The following KAT6A variants were observed in gnomAD, a reference collection of about 807,000 sequenced individuals.
The protein encoded by KAT6A is lysine acetyltransferase 6A.
A neutral mutation model predicts 198.4 loss-of-function variants in KAT6A; 9 were observed. That is an observed-to-expected ratio of 0.05 (90% CI 0.03 to 0.08). The LOEUF (loss-of-function observed/expected upper bound fraction) is 0.08, where lower values mean the gene tolerates loss of function less well. KAT6A is among the 10% of genes least tolerant of loss of function. The probability of loss-of-function intolerance (pLI) is 1.00; values close to 1 mark genes in which losing one functional copy is unlikely to be tolerated. For synonymous variants in KAT6A, 890 were observed against 883.0 expected (o/e 1.01, Z -0.14); for missense variants, 2,077 against 2,509.9 (o/e 0.83, Z 3.69).
Position 41,943,942 on chromosome 8 carries a change from A to G in KAT6A, c.2034T>C (p.Ser678=), listed in dbSNP as rs758725992. Residue 678 remains serine (S), a synonymous_variant, in exon 13 of 17, where the codon TCT becomes TCC. Coordinates refer to ENST00000265713, the MANE Select transcript of KAT6A (RefSeq NM_006766.5). ...LLSKREGQAG[S]PEKPLSDLGR... ...CCAGATCAGATAACGGTTTCTCTGG[A>G]GACCCTGCTTGGCCTTCACGCTTTG... is the stretch of plus-strand genomic sequence containing the variant. 6.2e-7 allele frequency: 1 copy of G among 1,614,058 alleles called. No individual in the cohort carries two copies. Among genetic ancestry groups the G allele is most frequent in the Non-Finnish European group, 8.5e-7 (1 of 1,179,994 alleles).
chr8:42,039,878 C>T (rs368393771), intron 2 of KAT6A, among the ~76,000 whole-genome samples: 6 of 150,614 alleles, frequency 4.0e-5, no homozygotes, highest in Non-Finnish European at 5.9e-5. Context: ...GGACTACAGG[C>T]GCCCACCACA....
intron 2 of KAT6A, among the ~76,000 whole-genome samples, chr8:42,020,920 C>T (rs1400503236): frequency 6.6e-6 from 1 of 152,084 alleles, no homozygotes; most frequent in African/African-American, 2.4e-5. Context: ...TGATCCTTAC[C>T]CTAATCTTGA....
Position 41,955,160 on chromosome 8 carries a change from C to CTA in KAT6A, c.1598+134_1598+135dup, listed in dbSNP as rs1822863585. On this transcript the variant is annotated intron_variant, in intron 9 of 16. Transcript: ENST00000265713. ...GATGAAGTGGCTGCCAAAGCCGCTG[C>CTA]TATTATGGACATTTAAAAGCCCCCA... 9.9e-6 allele frequency: 6 copies of CTA among 603,920 alleles called. No individual in the cohort carries two copies. The East Asian group carries it at 1.9e-4, about 19-fold the overall frequency. 37.4% of individuals were successfully genotyped at this position (603,920 alleles called of 1,614,324 possible).
At chr8:41,946,529 C>CATAT in intron 12 of KAT6A, 62 bp downstream of exon 12, 1 of 681,866 alleles carries the variant, frequency 1.5e-6, no homozygotes, top group Admixed American at 2.2e-5. Flanking sequence ...CACACACACA[C>CATAT]ACACACACAC....
chr8:41,998,089 C>T (rs1016061849), intron 2 of KAT6A, among the ~76,000 whole-genome samples: 3 of 152,072 alleles, frequency 2.0e-5, no homozygotes, highest in African/African-American at 7.2e-5. Flanking sequence ...AATGTTACTC[C>T]TTGGTGGGCA....
chr8:42,040,584 A>T (rs1827607297), intron 2 of KAT6A, among the ~76,000 whole-genome samples: 1 of 151,382 alleles, frequency 6.6e-6, no homozygotes, highest in Non-Finnish European at 1.5e-5. Flanking sequence ...AAATACAAAA[A>T]ATTAGCCAGG....
rs13278050 is a variant in KAT6A at position 42,008,354 on chromosome 8, T to C, written c.601-20791A>G. 3.0e-3 allele frequency among the ~76,000 whole-genome samples: 458 copies of C among 152,274 alleles called. 2 individuals are homozygous for C. The highest frequency in any genetic ancestry group is 5.1e-3 in the Non-Finnish European group (349 of 68,034). Reference sequence around the variant, plus strand: ...TATCCTTAAGTAATATTTTCTTTTTTTGAGACAGGGTCTCACTCTGTCGCC... The same window carrying C: ...TATCCTTAAGTAATATTTTCTTTTTCTGAGACAGGGTCTCACTCTGTCGCC... On this transcript the variant is annotated intron_variant, in intron 2 of 16. Coordinates refer to ENST00000265713, the MANE Select transcript of KAT6A (RefSeq NM_006766.5).
chr8:42,007,961 C>CAAAA (rs988491987), intron 2 of KAT6A, among the ~76,000 whole-genome samples: 16 of 42,852 alleles, frequency 3.7e-4, no homozygotes, highest in African/African-American at 1.1e-3. Context: ...GACTCCGTCT[C>CAAAA]AAAAAAAAAA....
At chr8:41,948,357 C>G (rs2150866906) in intron 10 of KAT6A, among the ~76,000 whole-genome samples, 1 of 152,330 alleles carries the variant, frequency 6.6e-6, no homozygotes, top group South Asian at 2.1e-4. Context: ...GCAATGCAAT[C>G]TGACTACCAT....
chr8:42,048,001 A>G (rs1048265767), intron 2 of KAT6A, among the ~76,000 whole-genome samples: 11 of 151,930 alleles, frequency 7.2e-5, no homozygotes, highest in African/African-American at 1.9e-4. Context: ...GCTGCTCATC[A>G]ACTTCCAGTA....
chr8:41,956,730 A>T (rs1030244971), intron 8 of KAT6A, among the ~76,000 whole-genome samples: 1 of 152,228 alleles, frequency 6.6e-6, no homozygotes, highest in Non-Finnish European at 1.5e-5. Flanking sequence ...ATTGTGTTAT[A>T]ACACCACCAA....
intron 2 of KAT6A, among the ~76,000 whole-genome samples, chr8:42,016,837 C>G (rs1312180761): frequency 1.3e-5 from 2 of 152,018 alleles, no homozygotes; most frequent in Non-Finnish European, 1.5e-5. Flanking sequence ...TTAACAAACA[C>G]AGTTTTTCAA....
At chr8:41,996,773 T>G (rs1178958883) in intron 2 of KAT6A, among the ~76,000 whole-genome samples, 1 of 152,218 alleles carries the variant, frequency 6.6e-6, no homozygotes, top group East Asian at 1.9e-4. Context: ...TCCAAAACTA[T>G]GAACCAAATA....
At chr8:41,948,038 C>A in intron 10 of KAT6A, 126 bp from the exon 11 acceptor site, 1 of 661,824 alleles carries the variant, frequency 1.5e-6, no homozygotes, top group Non-Finnish European at 2.4e-6. Flanking sequence ...ATGACCAGAA[C>A]ACTTTGGAAC....
At chr8:41,983,772 C>T (rs1369963997) in intron 3 of KAT6A, among the ~76,000 whole-genome samples, 2 of 152,196 alleles carry the variant, frequency 1.3e-5, no homozygotes, top group Non-Finnish European at 2.9e-5. Context: ...TGTTTTAGCA[C>T]AACTACATGA....
chr8:41,987,507 G>A lies in KAT6A; in HGVS notation c.657C>T (p.Asn219=). The A allele has an allele frequency of 1.9e-6, 3 of 1,613,782 alleles. No individual in the cohort carries two copies. The highest frequency in any genetic ancestry group is 2.5e-6 in the Non-Finnish European group (3 of 1,179,718). ...TGAGTTCCTCTGGCTTCTTTTCTCG[G>A]TTTTGTTCTTTTGTACCAAGACAGA... ...CSFCLGTKEQ[N]REKKPEELIS... The change falls in exon 3 of 17, where the codon AAC becomes AAT. Residue 219 remains asparagine (N), a synonymous_variant. Coordinates refer to ENST00000265713, the MANE Select transcript of KAT6A (RefSeq NM_006766.5).
intron 2 of KAT6A, among the ~76,000 whole-genome samples, chr8:41,998,133 A>T (rs764021559): frequency 6.6e-6 from 1 of 152,186 alleles, no homozygotes. Flanking sequence ...AATCAATCAA[A>T]GAAAAGGTTG....
At chr8:42,040,735 C>CAAAAAAAAAAAAAAAAAAAAAA (rs59959496) in intron 2 of KAT6A, among the ~76,000 whole-genome samples, 2 of 54,666 alleles carry the variant, frequency 3.7e-5, no homozygotes, top group African/African-American at 7.6e-5. Flanking sequence ...GACTCTGTCT[C>CAAAAAAAAAAAAAAAAAAAAAA]AAAAAAAAAA....
At chr8:42,046,238 A>C (rs932741687) in intron 2 of KAT6A, among the ~76,000 whole-genome samples, 1 of 152,168 alleles carries the variant, frequency 6.6e-6, no homozygotes, top group African/African-American at 2.4e-5. Flanking sequence ...TGTAATTACA[A>C]TAAAAGCAAA....
Sources: allele counts gnomAD v4.1 joint callset (sites outside exome capture counted in the v4.1 genomes callset), GRCh38; gene constraint gnomAD v4.1.1; transcripts MANE v1.5; gene names NCBI Gene and HGNC (gene_info 2026-07-23, HGNC 2026-07-21).